POFUT1: variants seen among roughly 807,000 people sequenced by gnomAD.
The protein encoded by POFUT1 is protein O-fucosyltransferase 1.
A neutral mutation model predicts 42.4 loss-of-function variants in POFUT1; 16 were observed. The ratio of observed to expected loss-of-function variants is 0.38; its 90% CI spans 0.26 to 0.57. The LOEUF (loss-of-function observed/expected upper bound fraction) is 0.57. POFUT1 is among the 20% of genes least tolerant of loss of function. POFUT1 has a pLI of 0.71. For synonymous variants in POFUT1, 206 were observed against 205.4 expected (o/e 1.00, Z -0.03); for missense variants, 470 against 504.6 (o/e 0.93, Z 0.66).
At chr20:32,228,184 C>A in intron 4 of POFUT1, 79 bp from the exon 5 acceptor site, 1 of 1,244,416 alleles carries the variant, frequency 8.0e-7, no homozygotes, top group Non-Finnish European at 1.1e-6. Context: ...CATGGTGCAA[C>A]ACCATCCTTT....
chr20:32,209,991 T>A (rs1226514000), intron 1 of POFUT1, 80 bp from the exon 2 acceptor site: 1 of 1,536,314 alleles, frequency 6.5e-7, no homozygotes, highest in Admixed American at 1.7e-5. Context: ...TACCCCTGGC[T>A]CCACAACCTT....
At chr20:32,229,226 C>G (rs751510302) in intron 5 of POFUT1, among the ~76,000 whole-genome samples, 3 of 152,122 alleles carry the variant, frequency 2.0e-5, no homozygotes, top group Admixed American at 1.3e-4. Flanking sequence ...ATAAAGCTAG[C>G]ATAACACTAA....
chr20:32,224,178 G>T (rs534975822), intron 4 of POFUT1, among the ~76,000 whole-genome samples: 3 of 152,118 alleles, frequency 2.0e-5, no homozygotes, highest in Non-Finnish European at 2.9e-5. Context: ...GATCTTCTGA[G>T]GTCAGGAGTT....
At chr20:32,225,442 T>C (rs6058564) in intron 4 of POFUT1, among the ~76,000 whole-genome samples, 8,803 of 152,056 alleles carry the variant, frequency 0.058, 904 homozygotes, top group African/African-American at 0.2. Flanking sequence ...CTACCTTGGC[T>C]TCCCAAAGTT....
At chr20:32,231,826 A>G (rs946787146) in intron 6 of POFUT1, among the ~76,000 whole-genome samples, 4 of 152,252 alleles carry the variant, frequency 2.6e-5, no homozygotes, top group African/African-American at 7.2e-5. Context: ...AATGAAGGAA[A>G]GGATCTTTGT....
chr20:32,223,718 T>C, intron 4 of POFUT1: 5 of 983,620 alleles, frequency 5.1e-6, no homozygotes, highest in Non-Finnish European at 6.0e-6. Context: ...TCTTTCTCAT[T>C]TATTCTAAAA....
chr20:32,225,419 C>G (rs755817730), intron 4 of POFUT1, among the ~76,000 whole-genome samples: 1 of 152,044 alleles, frequency 6.6e-6, no homozygotes, highest in African/African-American at 2.4e-5. Flanking sequence ...GATCTCCCGA[C>G]CTCGTGATCC....
At chr20:32,214,748 A>G (rs1439573525) in intron 2 of POFUT1, among the ~76,000 whole-genome samples, 3 of 152,210 alleles carry the variant, frequency 2.0e-5, no homozygotes, top group African/African-American at 7.2e-5. Flanking sequence ...ACAGATCAGC[A>G]GGTGTTTTTT....
At position 32,237,020 on chromosome 20, in the gene POFUT1, G is replaced by C. The variant is rs137998077; in HGVS notation, c.*2359G>C. ...ACAGAATGCACTTTCTACCCTGTGT[G>C]CCATGGAGACCTCCTATGGAAAAAT... On this transcript the variant is annotated 3_prime_UTR_variant, in exon 7 of 7. Transcript: ENST00000375749. The C allele has an allele frequency of 1.3e-5, 2 of 152,214 alleles. No individual in the cohort carries two copies. The highest frequency in any genetic ancestry group is 2.9e-5 in the Non-Finnish European group (2 of 68,062). The allele number at this position is 152,214 out of a possible 1,614,324, so 9.4% of individuals were successfully genotyped here. A position where few individuals can be genotyped will look rare whatever the true frequency, so the allele number is the denominator to read the frequency against.
At chr20:32,222,885 C>T (rs1018952654) in intron 4 of POFUT1, 1 of 985,336 alleles carries the variant, frequency 1.0e-6, no homozygotes, top group Non-Finnish European at 1.2e-6. Context: ...CCCAGGCTGC[C>T]ACCTCCCTGT....
intron 5 of POFUT1, 42 bp downstream of exon 5, chr20:32,228,497 TC>T: frequency 6.4e-7 from 1 of 1,566,120 alleles, no homozygotes; most frequent in South Asian, 1.2e-5. Flanking sequence ...CTTGGATGTG[TC>T]CCTGAGCATG....
In POFUT1 at chr20:32,230,976, T is replaced by G. The variant is rs1186879659; in HGVS notation, c.893T>G (p.Val298Gly). The G allele has an allele frequency of 1.9e-6, 3 of 1,614,086 alleles. No homozygotes were observed. The highest frequency in any genetic ancestry group is 1.7e-5 in the Admixed American group (1 of 60,004). Residue 298 changes from valine to glycine, a missense_variant, in exon 6 of 7, where the codon GTG (valine) becomes GGG (glycine). By Grantham distance (109) the Val-to-Gly change is moderately radical (BLOSUM62 -3). Transcript: ENST00000375749. ...KEIQRAVKLW[V>G]RSLDAQSVYV... ...ATCCAGAGGGCTGTGAAGCTCTGGGTGAGGTCGCTGGATGCCCAGTCGGTC... is the reference window on the plus strand; with the variant it reads ...ATCCAGAGGGCTGTGAAGCTCTGGGGGAGGTCGCTGGATGCCCAGTCGGTC...
At chr20:32,223,534 G>A (rs1039182912) in intron 4 of POFUT1, 1 of 982,528 alleles carries the variant, frequency 1.0e-6, no homozygotes, top group Non-Finnish European at 1.2e-6. Context: ...GTTTTATCCT[G>A]ATATTCCAGC....
chr20:32,233,369 C>T (rs1173403278), intron 6 of POFUT1, among the ~76,000 whole-genome samples: 4 of 152,166 alleles, frequency 2.6e-5, no homozygotes, highest in African/African-American at 2.4e-5. Flanking sequence ...ACACCCCAAA[C>T]AGCACAGCAC....
chr20:32,216,172 G>A (rs541315308), intron 3 of POFUT1, among the ~76,000 whole-genome samples: 4 of 152,352 alleles, frequency 2.6e-5, no homozygotes, highest in South Asian at 4.1e-4. Context: ...TGAGAAAGGA[G>A]ACCTAGCTCA....
At position 32,228,347 on chromosome 20, in the gene POFUT1, G is replaced by C. The variant is rs1600393151; in HGVS notation, c.627G>C (p.Gln209His). Residue 209 changes from glutamine to histidine, a missense_variant, in exon 5 of 7, where the codon CAG (glutamine) becomes CAC (histidine). Gln to His is a conservative substitution (Grantham distance 24, BLOSUM62 0). Transcript: ENST00000375749. Reference protein sequence around the residue: ...FPVLEEHRPLQKYMVWSDEMV... With the variant: ...FPVLEEHRPLHKYMVWSDEMV... Reference sequence around the variant, plus strand: ...TCCTAGAGGAACACAGGCCACTACAGAAGTACATGGTATGGTCAGACGAAA... The same window carrying C: ...TCCTAGAGGAACACAGGCCACTACACAAGTACATGGTATGGTCAGACGAAA... 7 of 1,614,158 alleles carry C rather than the reference G, an allele frequency of 4.3e-6. No homozygotes were observed. In the East Asian group the frequency reaches 1.6e-4, roughly 36 times the overall value.
intron 4 of POFUT1, among the ~76,000 whole-genome samples, chr20:32,227,026 G>C (rs780171838): frequency 5.9e-5 from 9 of 152,170 alleles, no homozygotes; most frequent in Non-Finnish European, 1.2e-4. Context: ...CAGAATGGCT[G>C]TTCCCATTTC....
At chr20:32,224,055 A>G (rs2047402760) in intron 4 of POFUT1, among the ~76,000 whole-genome samples, 1 of 152,206 alleles carries the variant, frequency 6.6e-6, no homozygotes, top group Admixed American at 6.5e-5. Flanking sequence ...CTATCACATA[A>G]TGAGGCCCAA....
intron 4 of POFUT1, chr20:32,223,089 G>A: frequency 1.0e-6 from 1 of 985,454 alleles, no homozygotes; most frequent in Non-Finnish European, 1.2e-6. Flanking sequence ...AATGGATGCT[G>A]TATACAGAGA....
Sources: allele counts gnomAD v4.1 joint callset (sites outside exome capture counted in the v4.1 genomes callset), GRCh38; gene constraint gnomAD v4.1.1; transcripts MANE v1.5; gene names NCBI Gene and HGNC (gene_info 2026-07-23, HGNC 2026-07-21).